Variants in PDE7B observed in about 807,000 individuals in gnomAD.
PDE7B encodes 3',5'-cyclic-AMP phosphodiesterase 7B.
A neutral mutation model predicts 56.2 loss-of-function variants in PDE7B; 29 were observed. The ratio of observed to expected loss-of-function variants is 0.52; its 90% CI spans 0.38 to 0.70. The LOEUF (loss-of-function observed/expected upper bound fraction) is 0.70. Among genes scored for constraint, PDE7B ranks in the 30% least tolerant of loss-of-function variants. The pLI, the probability that PDE7B is intolerant of heterozygous loss-of-function variation, is 0.00. For synonymous variants in PDE7B, 197 were observed against 196.9 expected (o/e 1.00, Z 0.00); for missense variants, 490 against 565.0 (o/e 0.87, Z 1.35).
chr6:136,160,688 C>T lies in PDE7B; in HGVS notation c.711+4930C>T, dbSNP rs140889240. On this transcript the variant is annotated intron_variant, in intron 8 of 12. Coordinates refer to ENST00000308191, the MANE Select transcript of PDE7B (RefSeq NM_018945.4). ...ACCCTACCATGCCTCAGGATTGAGT[C>T]CAAATGACTTAACACAATTTACCAT... Among the ~76,000 whole-genome samples the T allele has an allele frequency of 7.7e-4, 117 of 152,272 alleles. 1 individual carries two copies. Among genetic ancestry groups the T allele is most frequent in the African/African-American group, 2.6e-3 (110 of 41,556 alleles).
intron 2 of PDE7B, among the ~76,000 whole-genome samples, chr6:136,021,930 T>C (rs763440536): frequency 3.3e-5 from 5 of 152,202 alleles, no homozygotes; most frequent in African/African-American, 9.6e-5. Context: ...TAGCCCAGCA[T>C]TGTCTGGCCT....
chr6:135,889,741 G>A (rs1241704447), intron 1 of PDE7B, among the ~76,000 whole-genome samples: 1 of 140,032 alleles, frequency 7.1e-6, no homozygotes, highest in Non-Finnish European at 1.5e-5. Flanking sequence ...GCACCCAGAC[G>A]GTGCTACCAT....
chr6:135,878,836 G>T (rs1423800600), intron 1 of PDE7B, among the ~76,000 whole-genome samples: 1 of 152,110 alleles, frequency 6.6e-6, no homozygotes, highest in South Asian at 2.1e-4. Flanking sequence ...AATTATTAGA[G>T]AAGGCAAAAC....
At chr6:135,868,373 C>T (rs922117149) in intron 1 of PDE7B, among the ~76,000 whole-genome samples, 1 of 152,206 alleles carries the variant, frequency 6.6e-6, no homozygotes, top group African/African-American at 2.4e-5. Context: ...CCATCACCCC[C>T]ACTCCAGTGC....
rs753576146 is a variant in PDE7B at position 136,181,217 on chromosome 6, C to A, written c.949-10C>A. The A allele has an allele frequency of 2.5e-6, 4 of 1,604,450 alleles. No individual in the cohort carries two copies. Among genetic ancestry groups the A allele is most frequent in the Non-Finnish European group, 3.4e-6 (4 of 1,171,480 alleles). ...CTCTCACAATTTCTCCCCGCCCTGT[C>A]ATTTCTCAGATCGCCTTGAAGTGTG... On this transcript the variant is annotated splice_polypyrimidine_tract_variant and intron_variant, in intron 10 of 12. Transcript: ENST00000308191.
chr6:135,887,023 C>T (rs1244009973), intron 1 of PDE7B, among the ~76,000 whole-genome samples: 1 of 152,050 alleles, frequency 6.6e-6, no homozygotes, highest in African/African-American at 2.4e-5. Context: ...ATCACACCAA[C>T]ATCTGTTGTT....
intron 3 of PDE7B, among the ~76,000 whole-genome samples, chr6:136,139,992 A>C (rs1778291285): frequency 6.6e-6 from 1 of 152,188 alleles, no homozygotes; most frequent in South Asian, 2.1e-4. Context: ...CCATTGGTCA[A>C]TTTTGGCTTT....
intron 8 of PDE7B, among the ~76,000 whole-genome samples, chr6:136,166,731 T>C (rs1189003147): frequency 6.6e-6 from 1 of 152,146 alleles, no homozygotes; most frequent in Non-Finnish European, 1.5e-5. Flanking sequence ...GGGATTACAA[T>C]TGAACATGAG....
At chr6:135,932,248 C>G (rs1774307206) in intron 1 of PDE7B, among the ~76,000 whole-genome samples, 1 of 152,178 alleles carries the variant, frequency 6.6e-6, no homozygotes, top group South Asian at 2.1e-4. Flanking sequence ...GATAGCACAA[C>G]AGGGTGACTA....
Position 136,121,372 on chromosome 6 carries a change from A to G in PDE7B, c.166+12558A>G, listed in dbSNP as rs529109340. ...TAAGGAAAAGAATTCCCCATCTCCC[A>G]TCTTCTTTTCCCATTCTTTCATTTC... On this transcript the variant is annotated intron_variant, in intron 3 of 12. Coordinates refer to ENST00000308191, the MANE Select transcript of PDE7B (RefSeq NM_018945.4). 3.2e-4 allele frequency among the ~76,000 whole-genome samples: 49 copies of G among 152,262 alleles called. No homozygotes were observed. In the East Asian group the frequency reaches 5.8e-3, roughly 18 times the overall value.
chr6:136,118,206 G>A (rs373028561), intron 3 of PDE7B, among the ~76,000 whole-genome samples: 93 of 152,164 alleles, frequency 6.1e-4, no homozygotes, highest in African/African-American at 2.2e-3. Context: ...TTCAAGCCCT[G>A]GCCCCATCAT....
chr6:136,131,494 G>GTTTTTTT (rs1201361799), intron 3 of PDE7B, among the ~76,000 whole-genome samples: 11 of 84,710 alleles, frequency 1.3e-4, no homozygotes, highest in Non-Finnish European at 1.8e-4. Context: ...ATCCTGGCAG[G>GTTTTTTT]TTTTTTTTTT....
intron 2 of PDE7B, among the ~76,000 whole-genome samples, chr6:136,067,688 A>C (rs768770813): frequency 1.8e-4 from 27 of 152,230 alleles, no homozygotes; most frequent in Admixed American, 1.6e-3. Context: ...TTTAATGTTG[A>C]TATAGATGTG....
At chr6:136,187,246 C>T in intron 12 of PDE7B, 130 bp downstream of exon 12, 1 of 611,018 alleles carries the variant, frequency 1.6e-6, no homozygotes. Context: ...TTTTGAATGG[C>T]TGAGTCCAAA....
At chr6:135,923,206 G>A (rs1254474077) in intron 1 of PDE7B, among the ~76,000 whole-genome samples, 1 of 152,164 alleles carries the variant, frequency 6.6e-6, no homozygotes, top group Non-Finnish European at 1.5e-5. Flanking sequence ...TATTTCTCTT[G>A]AAAAAGGCTC....
At chr6:136,114,288 A>T (rs2128442649) in intron 3 of PDE7B, among the ~76,000 whole-genome samples, 1 of 152,328 alleles carries the variant, frequency 6.6e-6, no homozygotes, top group African/African-American at 2.4e-5. Context: ...ATATATACAA[A>T]CATATATATT....
intron 8 of PDE7B, among the ~76,000 whole-genome samples, chr6:136,163,311 C>T (rs898326188): frequency 3.3e-5 from 5 of 152,260 alleles, no homozygotes; most frequent in Non-Finnish European, 7.3e-5. Flanking sequence ...GTGGAAGTCA[C>T]TAAGGCTTGG....
At chr6:136,114,904 A>G (rs1029550007) in intron 3 of PDE7B, 1 of 152,186 alleles carries the variant, frequency 6.6e-6, no homozygotes, top group African/African-American at 2.4e-5. Flanking sequence ...TGGTGCACTC[A>G]GGGCTTCTGG....
At chr6:136,002,690 G>C (rs1372354703) in intron 2 of PDE7B, among the ~76,000 whole-genome samples, 1 of 152,156 alleles carries the variant, frequency 6.6e-6, no homozygotes, top group Non-Finnish European at 1.5e-5. Flanking sequence ...GGAGCACCCA[G>C]ATTCATAAAG....
Sources: allele counts gnomAD v4.1 joint callset (sites outside exome capture counted in the v4.1 genomes callset), GRCh38; gene constraint gnomAD v4.1.1; transcripts MANE v1.5; gene names NCBI Gene and HGNC (gene_info 2026-07-23, HGNC 2026-07-21).